The following FAM193A variants were observed in gnomAD, a reference collection of about 807,000 sequenced individuals.
FAM193A encodes protein FAM193A.
Under a neutral mutation model 126.5 loss-of-function variants are expected in FAM193A, and 22 were observed. The ratio of observed to expected loss-of-function variants is 0.17; its 90% CI spans 0.12 to 0.25. FAM193A has a LOEUF of 0.25. Among genes scored for constraint, FAM193A ranks in the 10% least tolerant of loss-of-function variants. FAM193A has a pLI of 1.00. For missense variants in FAM193A, 1,675 were observed against 1,672.8 expected, an observed-to-expected ratio of 1.00 and a Z score of -0.02; for synonymous variants, 761 against 646.8, an observed-to-expected ratio of 1.18 and a Z score of -2.68.
At chr4:2,599,127 G>A (rs1417482232) in intron 2 of FAM193A, among the ~76,000 whole-genome samples, 1 of 152,232 alleles carries the variant, frequency 6.6e-6, no homozygotes, top group East Asian at 1.9e-4. Context: ...TCCTGGGAAT[G>A]AGTGGGAACA....
intron 13 of FAM193A, among the ~76,000 whole-genome samples, chr4:2,676,522 T>C (rs143421556): frequency 6.4e-4 from 97 of 152,380 alleles, no homozygotes; most frequent in African/African-American, 2.2e-3. Context: ...TTTGTTGTTG[T>C]TGCATTTTAG....
chr4:2,671,985 TG>T, intron 12 of FAM193A, 135 bp from the exon 13 acceptor site: 2 of 841,104 alleles, frequency 2.4e-6, no homozygotes, highest in Non-Finnish European at 1.9e-6. Flanking sequence ...TGGAAGGCCC[TG>T]GTCAACTCAG....
chr4:2,712,856 A>G (rs1229107379), intron 19 of FAM193A, among the ~76,000 whole-genome samples: 1 of 151,986 alleles, frequency 6.6e-6, no homozygotes, highest in Admixed American at 6.6e-5. Flanking sequence ...TAATCCCAGC[A>G]CTTTGGGAGG....
chr4:2,546,298 A>T (rs1336419906), intron 1 of FAM193A, among the ~76,000 whole-genome samples: 2 of 152,020 alleles, frequency 1.3e-5, no homozygotes, highest in African/African-American at 4.8e-5. Flanking sequence ...GCCAAAATTG[A>T]ATGTTTAAAA....
chr4:2,619,628 C>CA (rs1449023850), intron 2 of FAM193A, among the ~76,000 whole-genome samples: 2 of 152,168 alleles, frequency 1.3e-5, no homozygotes, highest in East Asian at 3.9e-4. Flanking sequence ...CTCTGCCTCC[C>CA]AAAGTGCTGG....
intron 1 of FAM193A, among the ~76,000 whole-genome samples, chr4:2,552,999 C>T (rs1252383355): frequency 6.6e-6 from 1 of 151,930 alleles, no homozygotes; most frequent in Admixed American, 6.6e-5. Context: ...AGGCGCCCGC[C>T]ACCATGCTCA....
intron 2 of FAM193A, among the ~76,000 whole-genome samples, chr4:2,620,717 T>C (rs1157088808): frequency 2.7e-5 from 4 of 148,338 alleles, no homozygotes; most frequent in African/African-American, 7.5e-5. Flanking sequence ...GGGGTGGTGG[T>C]GGGCTCCCGT....
chr4:2,550,602 A>C (rs80106192), intron 1 of FAM193A, among the ~76,000 whole-genome samples: 1 of 149,946 alleles, frequency 6.7e-6, no homozygotes, highest in African/African-American at 2.5e-5. Context: ...ACACCCAGCT[A>C]ATTTTGTATT....
At chr4:2,692,051 C>T (rs1716447450) in intron 15 of FAM193A, among the ~76,000 whole-genome samples, 1 of 152,152 alleles carries the variant, frequency 6.6e-6, no homozygotes, top group Non-Finnish European at 1.5e-5. Context: ...AAAAGCAGCA[C>T]CCATAGGGTA....
intron 13 of FAM193A, among the ~76,000 whole-genome samples, chr4:2,679,881 A>G (rs889575259): frequency 6.7e-6 from 1 of 149,812 alleles, no homozygotes; most frequent in African/African-American, 2.5e-5. Flanking sequence ...TTTCTTTGAG[A>G]CGGAGTCTTG....
chr4:2,631,928 G>A (rs1743631938), intron 5 of FAM193A, among the ~76,000 whole-genome samples: 2 of 152,152 alleles, frequency 1.3e-5, no homozygotes, highest in Admixed American at 6.6e-5. Flanking sequence ...ATAGTCTATG[G>A]AGTTTTTCAT....
intron 16 of FAM193A, among the ~76,000 whole-genome samples, chr4:2,694,470 T>C (rs1328469768): frequency 2.0e-5 from 3 of 152,046 alleles, no homozygotes; most frequent in African/African-American, 7.2e-5. Flanking sequence ...GGTTTCACCA[T>C]GTTGGCCAGG....
At chr4:2,722,683 C>T (rs1720293670) in intron 20 of FAM193A, among the ~76,000 whole-genome samples, 1 of 152,126 alleles carries the variant, frequency 6.6e-6, no homozygotes, top group African/African-American at 2.4e-5. Flanking sequence ...GGATCAGTCT[C>T]ATAGAGGCTG....
At chr4:2,670,459 C>CT (rs536197759) in intron 12 of FAM193A, among the ~76,000 whole-genome samples, 19 of 149,702 alleles carry the variant, frequency 1.3e-4, no homozygotes, top group Admixed American at 2.7e-4. Context: ...GTGGGTCACA[C>CT]TTTTTTTTTT....
chr4:2,627,803 C>T (rs1178803959), intron 4 of FAM193A, among the ~76,000 whole-genome samples: 2 of 149,124 alleles, frequency 1.3e-5, no homozygotes, highest in Non-Finnish European at 3.0e-5. Flanking sequence ...AGTGCAGTGG[C>T]GCAATCTGGG....
intron 2 of FAM193A, among the ~76,000 whole-genome samples, chr4:2,620,690 A>G (rs1186732935): frequency 6.8e-6 from 1 of 146,932 alleles, no homozygotes; most frequent in African/African-American, 2.5e-5. Flanking sequence ...CTCTACTAAA[A>G]ATACAAAAAT....
chr4:2,594,820 C>CTTTTTTTTTTTTTTTTTTTTTTTTTT (rs386399069), intron 1 of FAM193A, among the ~76,000 whole-genome samples: 2 of 62,228 alleles, frequency 3.2e-5, no homozygotes. Context: ...TTTTCTTTTC[C>CTTTTTTTTTTTTTTTTTTTTTTTTTT]TTTTTTTTTT....
chr4:2,660,231 ACTGTTT>A (rs945713343), intron 10 of FAM193A, among the ~76,000 whole-genome samples, 177 bp downstream of exon 10: 1 of 151,958 alleles, frequency 6.6e-6, no homozygotes, highest in African/African-American at 2.4e-5. Context: ...AACTTTTAAC[ACTGTTT>A]ATCTGGGAAA....
chr4:2,659,851 G>A lies in FAM193A; in HGVS notation c.1542G>A (p.Thr514=), dbSNP rs768297494. 6 of 1,614,090 alleles carry A rather than the reference G, an allele frequency of 3.7e-6. No individual in the cohort carries two copies. Among genetic ancestry groups the A allele is most frequent in the East Asian group, 4.5e-5 (2 of 44,884 alleles). ...ACTGCAGTCTCTCACACATCCTCACGTGTGGTATCATGGACCCCCCCGTCA... is the reference window on the plus strand; with the variant it reads ...ACTGCAGTCTCTCACACATCCTCACATGTGGTATCATGGACCCCCCCGTCA... ...CDDCSLSHIL[T]CGIMDPPVTD... Residue 514 remains threonine (T), a synonymous_variant, in exon 10 of 21, where the codon ACG becomes ACA. Coordinates refer to ENST00000637812, the MANE Select transcript of FAM193A (RefSeq NM_001366318.2).
Sources: gnomAD v4.1 joint callset for allele counts (sites outside exome capture counted in the v4.1 genomes callset) on GRCh38, gnomAD v4.1.1 for gene constraint, MANE v1.5 for transcripts, NCBI Gene and HGNC (gene_info 2026-07-23, HGNC 2026-07-21) for gene names.